The following CCDC30 variants were observed in gnomAD, a reference collection of about 807,000 sequenced individuals.
The protein encoded by CCDC30 is coiled-coil domain containing 30.
Under a neutral mutation model 100.2 loss-of-function variants are expected in CCDC30, and 70 were observed. The observed-to-expected ratio is 0.70, with a 90% CI of 0.58 to 0.85. The LOEUF is 0.85. Among genes scored for constraint, CCDC30 ranks in the 40% least tolerant of loss-of-function variants. The pLI is 0.00. For synonymous variants in CCDC30, 233 were observed against 269.5 expected (o/e 0.86, Z 1.33); for missense variants, 652 against 771.2 (o/e 0.85, Z 1.83).
At chr1:42,534,367 A>G (rs1276162411) in intron 6 of CCDC30, among the ~76,000 whole-genome samples, 1 of 152,146 alleles carries the variant, frequency 6.6e-6, no homozygotes, top group Non-Finnish European at 1.5e-5. Context: ...AAAAATATTC[A>G]CCAGTGCAGA....
intron 7 of CCDC30, among the ~76,000 whole-genome samples, chr1:42,568,706 C>A (rs766509692): frequency 2.0e-5 from 3 of 150,944 alleles, no homozygotes; most frequent in Non-Finnish European, 4.4e-5. Flanking sequence ...GTGAGCAGAT[C>A]ACTTAAAGTG....
At chr1:42,539,297 A>T in intron 6 of CCDC30, 1 of 1,592,068 alleles carries the variant, frequency 6.3e-7, no homozygotes, top group Non-Finnish European at 8.5e-7. Context: ...GAGAATTCTG[A>T]ATTAGAAACA....
At chr1:42,465,072 A>G (rs1643527581) in intron 1 of CCDC30, among the ~76,000 whole-genome samples, 1 of 152,214 alleles carries the variant, frequency 6.6e-6, no homozygotes, top group South Asian at 2.1e-4. Flanking sequence ...CTCTTCTAAT[A>G]TGTATTTATT....
At chr1:42,637,760 T>C (rs2148678730) in intron 12 of CCDC30, among the ~76,000 whole-genome samples, 1 of 152,314 alleles carries the variant, frequency 6.6e-6, no homozygotes, top group South Asian at 2.1e-4. Context: ...GCAGTGAAAA[T>C]AGGTGATCCT....
At chr1:42,584,410 G>T (rs935827484) in intron 9 of CCDC30, among the ~76,000 whole-genome samples, 1 of 152,170 alleles carries the variant, frequency 6.6e-6, no homozygotes, top group Non-Finnish European at 1.5e-5. Context: ...GGCCAACATA[G>T]TGAAATCCCA....
intron 8 of CCDC30, 37 bp downstream of exon 12, chr1:42,577,266 A>T: frequency 7.9e-7 from 1 of 1,269,972 alleles, no homozygotes; most frequent in Non-Finnish European, 1.1e-6. Flanking sequence ...GCATACACTG[A>T]ATACCACTAC....
In CCDC30 at chr1:42,597,864, T is replaced by TA. The variant is rs958745882; in HGVS notation, c.1164+8391dup. On this transcript the variant is annotated intron_variant, in intron 10 of 16. Transcript: ENST00000668663. Reference sequence around the variant, plus strand: ...TAGGGGACAAAGCAAGAATCTGCCTTAAAAAAAAAATCGCCAGGCACAGTG... The same window carrying TA: ...TAGGGGACAAAGCAAGAATCTGCCTTAAAAAAAAAAATCGCCAGGCACAGTG... Among the ~76,000 whole-genome samples, 1,270 of 144,714 alleles carry TA rather than the reference T, an allele frequency of 8.8e-3. 14 individuals carry two copies. Among genetic ancestry groups the TA allele is most frequent in the African/African-American group, 0.029 (1,142 of 39,106 alleles). The allele number at this position is 144,714 out of a possible 152,430, so 94.9% of individuals were successfully genotyped here.
chr1:42,505,978 G>C (rs1011725005), intron 6 of CCDC30, among the ~76,000 whole-genome samples: 2 of 152,134 alleles, frequency 1.3e-5, no homozygotes, highest in African/African-American at 4.8e-5. Context: ...TGTTGAAAAA[G>C]AAAATGGATT....
At chr1:42,645,983 C>A in intron 14 of CCDC30, 152 bp from the exon 19 acceptor site, 2 of 1,045,506 alleles carry the variant, frequency 1.9e-6, no homozygotes, top group Non-Finnish European at 2.6e-6. Flanking sequence ...CTTTGCGATC[C>A]ATATTGTTAA....
rs554900353 is a variant in CCDC30, at chr1:42,490,439, A to G, written c.241+210A>G. On this transcript the variant is annotated intron_variant, in intron 4 of 16. Transcript: ENST00000668663. ...TAAAAAATTATTATTTAATAATAAT[A>G]CATTAAGAAATAATATAATATACAT... 1.9e-4 allele frequency among the ~76,000 whole-genome samples: 29 copies of G among 150,820 alleles called. 1 individual carries two copies. In the South Asian group the frequency reaches 6.0e-3, roughly 31 times the overall value.
At chr1:42,513,320 T>A (rs2148494057) in intron 6 of CCDC30, among the ~76,000 whole-genome samples, 1 of 152,318 alleles carries the variant, frequency 6.6e-6, no homozygotes, top group South Asian at 2.1e-4. Flanking sequence ...GGAGGCAGTG[T>A]CTGATTTATG....
At chr1:42,621,574 T>C (rs1646833153) in intron 11 of CCDC30, among the ~76,000 whole-genome samples, 1 of 152,022 alleles carries the variant, frequency 6.6e-6, no homozygotes, top group Non-Finnish European at 1.5e-5. Context: ...TGCAGTGGCG[T>C]GATCTCTGCT....
chr1:42,584,205 C>A (rs1047079057), intron 9 of CCDC30, among the ~76,000 whole-genome samples: 1 of 152,200 alleles, frequency 6.6e-6, no homozygotes, highest in African/African-American at 2.4e-5. Flanking sequence ...CAGAAACTTA[C>A]ACAGAAGGAA....
chr1:42,473,476 C>T, intron 1 of CCDC30: 1 of 393,942 alleles, frequency 2.5e-6, no homozygotes, highest in Non-Finnish European at 4.4e-6. Flanking sequence ...GTGTTGGTTT[C>T]CATTAAGACT....
chr1:42,497,007 G>A (rs1046623130), intron 4 of CCDC30, 91 bp from the exon 5 acceptor site: 4 of 552,266 alleles, frequency 7.2e-6, no homozygotes, highest in Non-Finnish European at 1.1e-5. Flanking sequence ...AGAAGGGCAG[G>A]CTAAATAGCA....
intron 6 of CCDC30, among the ~76,000 whole-genome samples, chr1:42,555,181 T>A (rs994732793): frequency 6.6e-6 from 1 of 152,240 alleles, no homozygotes; most frequent in African/African-American, 2.4e-5. Context: ...CCCTGCCACA[T>A]GGCATCCAAA....
intron 1 of CCDC30, among the ~76,000 whole-genome samples, chr1:42,466,701 G>A (rs1262797709): frequency 6.6e-6 from 1 of 151,780 alleles, no homozygotes; most frequent in African/African-American, 2.4e-5. Context: ...ACAGGCACCC[G>A]CCACCATGCC....
intron 6 of CCDC30, chr1:42,556,159 C>G: frequency 6.2e-7 from 1 of 1,606,170 alleles, no homozygotes; most frequent in Non-Finnish European, 8.5e-7. Flanking sequence ...CACCAAGTCC[C>G]AAATTAGGAG....
chr1:42,651,359 T>C (rs1001897227), intron 15 of CCDC30, among the ~76,000 whole-genome samples: 142 of 151,642 alleles, frequency 9.4e-4, no homozygotes, highest in African/African-American at 3.4e-3. Flanking sequence ...ATATCCAAAA[T>C]ATATAAGGAT....
Sources: gnomAD v4.1 joint callset for allele counts (sites outside exome capture counted in the v4.1 genomes callset) on GRCh38, gnomAD v4.1.1 for gene constraint, MANE v1.5 for transcripts, NCBI Gene and HGNC (gene_info 2026-07-23, HGNC 2026-07-21) for gene names.